The following GSG1L variants were observed in gnomAD, a reference collection of about 807,000 sequenced individuals.
The protein encoded by GSG1L is germ cell-specific gene 1-like protein.
GSG1L carries 24 observed loss-of-function variants against 42.1 expected under a neutral mutation model. That is an observed-to-expected ratio of 0.57 (90% confidence interval 0.41 to 0.80). The LOEUF is 0.80. GSG1L is among the 30% of genes least tolerant of loss of function. The pLI is 0.00. For synonymous variants in GSG1L, 215 were observed against 203.5 expected (o/e 1.06, Z -0.48); for missense variants, 445 against 472.2 (o/e 0.94, Z 0.53).
At chr16:27,993,578 A>C (rs1166818101) in intron 1 of GSG1L, among the ~76,000 whole-genome samples, 1 of 152,200 alleles carries the variant, frequency 6.6e-6, no homozygotes, top group African/African-American at 2.4e-5. Flanking sequence ...AGAATGGCCC[A>C]GCCTCGAAAA....
Position 27,853,811 on chromosome 16 carries a change from G to T in GSG1L, c.551-8750C>A, listed in dbSNP as rs560105443. Among the ~76,000 whole-genome samples, 7 of 152,258 alleles carry T rather than the reference G, an allele frequency of 4.6e-5. No individual in the cohort carries two copies. In the South Asian group the frequency reaches 1.2e-3, roughly 27 times the overall value. On this transcript the variant is annotated intron_variant, in intron 3 of 6. Coordinates refer to ENST00000447459, the MANE Select transcript of GSG1L (RefSeq NM_001109763.2). ...GCAGTGACTAGGCTCTGATCCCCCAGGTGGGGTTCAGAGTGATCCCAGAGG... is the reference window on the plus strand; with the variant it reads ...GCAGTGACTAGGCTCTGATCCCCCATGTGGGGTTCAGAGTGATCCCAGAGG...
At chr16:28,035,742 C>T (rs900013749) in intron 1 of GSG1L, among the ~76,000 whole-genome samples, 1 of 152,162 alleles carries the variant, frequency 6.6e-6, no homozygotes, top group African/African-American at 2.4e-5. Context: ...TCATACAACC[C>T]CTCATTGCCC....
At chr16:27,914,572 G>A (rs888986959) in intron 2 of GSG1L, among the ~76,000 whole-genome samples, 2 of 146,668 alleles carry the variant, frequency 1.4e-5, no homozygotes, top group Non-Finnish European at 1.5e-5. Flanking sequence ...TGCCCAGGCT[G>A]GAGTGCAGTG....
At chr16:27,942,035 T>C (rs2084803383) in intron 2 of GSG1L, among the ~76,000 whole-genome samples, 1 of 152,156 alleles carries the variant, frequency 6.6e-6, no homozygotes, top group African/African-American at 2.4e-5. Flanking sequence ...GTGATGATGG[T>C]TGCAGAGAAT....
intron 5 of GSG1L, among the ~76,000 whole-genome samples, chr16:27,817,253 G>T (rs938354): frequency 0.36 from 55,187 of 151,920 alleles, 10,043 homozygotes; most frequent in South Asian, 0.42. Flanking sequence ...GTGGGTGTCA[G>T]GTGCCCTGGG....
intron 1 of GSG1L, among the ~76,000 whole-genome samples, chr16:27,991,733 C>T (rs911526106): frequency 1.2e-4 from 18 of 152,118 alleles, no homozygotes; most frequent in Admixed American, 1.1e-3. Flanking sequence ...ATTATTAATG[C>T]TATGTATCTC....
At chr16:27,934,565 C>A (rs2084694065) in intron 2 of GSG1L, among the ~76,000 whole-genome samples, 1 of 151,930 alleles carries the variant, frequency 6.6e-6, no homozygotes, top group Non-Finnish European at 1.5e-5. Flanking sequence ...AAAATAAAAA[C>A]AAAAGTGAGC....
At chr16:28,027,262 C>T (rs1174928415) in intron 1 of GSG1L, among the ~76,000 whole-genome samples, 1 of 152,156 alleles carries the variant, frequency 6.6e-6, no homozygotes, top group Non-Finnish European at 1.5e-5. Context: ...GCCAGCCAAT[C>T]AGAGTACTCC....
At chr16:27,919,040 G>A (rs2084493712) in intron 2 of GSG1L, among the ~76,000 whole-genome samples, 1 of 152,118 alleles carries the variant, frequency 6.6e-6, no homozygotes, top group African/African-American at 2.4e-5. Context: ...GAATAGAAGG[G>A]ATGAAGGATT....
chr16:27,990,046 A>G (rs936527219), intron 1 of GSG1L, among the ~76,000 whole-genome samples: 1 of 152,214 alleles, frequency 6.6e-6, no homozygotes, highest in Non-Finnish European at 1.5e-5. Context: ...AGGCTAGTAG[A>G]AACGTCCAGG....
intron 2 of GSG1L, among the ~76,000 whole-genome samples, chr16:27,899,942 C>T (rs2084237408): frequency 1.3e-5 from 2 of 152,164 alleles, no homozygotes; most frequent in Admixed American, 1.3e-4. Context: ...TCCACATTTG[C>T]CCAGGATCTC....
At chr16:27,797,604 C>T (rs1335669932) in intron 6 of GSG1L, among the ~76,000 whole-genome samples, 7 of 151,074 alleles carry the variant, frequency 4.6e-5, no homozygotes, top group East Asian at 2.0e-4. Flanking sequence ...GGGTGGATCA[C>T]GAGGTCAGGA....
At chr16:27,934,810 C>T (rs2084695997) in intron 2 of GSG1L, among the ~76,000 whole-genome samples, 1 of 152,116 alleles carries the variant, frequency 6.6e-6, no homozygotes, top group Non-Finnish European at 1.5e-5. Flanking sequence ...TTTCCTGGGG[C>T]TGTTGGGAGG....
At chr16:27,799,342 T>G (rs914040988) in intron 6 of GSG1L, among the ~76,000 whole-genome samples, 2 of 151,908 alleles carry the variant, frequency 1.3e-5, no homozygotes, top group Non-Finnish European at 2.9e-5. Context: ...GAGACCAGCC[T>G]GAGCAACATA....
chr16:27,791,864 C>A (rs2082758483), intron 6 of GSG1L, among the ~76,000 whole-genome samples: 2 of 152,172 alleles, frequency 1.3e-5, no homozygotes, highest in African/African-American at 4.8e-5. Flanking sequence ...GTAACCCAAC[C>A]ATCCTCCTAC....
chr16:27,865,707 T>C (rs2083716488), intron 3 of GSG1L, among the ~76,000 whole-genome samples: 1 of 150,958 alleles, frequency 6.6e-6, no homozygotes, highest in Non-Finnish European at 1.5e-5. Flanking sequence ...GCACTTTTTT[T>C]CTTTTCTTTT....
chr16:27,792,500 G>A (rs1320297228), intron 6 of GSG1L, among the ~76,000 whole-genome samples: 1 of 152,112 alleles, frequency 6.6e-6, no homozygotes, highest in African/African-American at 2.4e-5. Flanking sequence ...TCTTTCTAGC[G>A]CACCAGAATC....
intron 2 of GSG1L, among the ~76,000 whole-genome samples, chr16:27,928,518 AAAACAAAAC>A (rs2084621380): frequency 2.6e-4 from 10 of 39,094 alleles, no homozygotes; most frequent in Admixed American, 2.0e-3. Flanking sequence ...AAAAGAAAAG[AAAACAAAAC>A]AAAACAAAAC....
At chr16:27,955,598 AC>A (rs1379831610) in intron 2 of GSG1L, among the ~76,000 whole-genome samples, 2 of 152,194 alleles carry the variant, frequency 1.3e-5, no homozygotes, top group African/African-American at 2.4e-5. Context: ...AAAATTTTAT[AC>A]CCAGCAAAAC....
Sources: allele counts gnomAD v4.1 joint callset (sites outside exome capture counted in the v4.1 genomes callset), GRCh38; gene constraint gnomAD v4.1.1; transcripts MANE v1.5; gene names NCBI Gene and HGNC (gene_info 2026-07-23, HGNC 2026-07-21).